DOCK1: variants seen among roughly 807,000 people sequenced by gnomAD.
The protein encoded by DOCK1 is dedicator of cytokinesis protein 1.
DOCK1 carries 138 observed loss-of-function variants against 262.7 expected under a neutral mutation model. The observed-to-expected ratio is 0.53, with a 90% CI of 0.46 to 0.61. DOCK1 has a LOEUF of 0.61. Ranked by LOEUF, DOCK1 falls within the 20% of genes least tolerant of loss-of-function variation. DOCK1 has a pLI of 0.00. For synonymous variants in DOCK1, 866 were observed against 867.4 expected, an observed-to-expected ratio of 1.00 and a Z score of 0.03; for missense variants, 1,908 against 2,370.7, an observed-to-expected ratio of 0.80 and a Z score of 4.05.
chr10:127,248,167 A>G, intron 28 of DOCK1, 58 bp downstream of exon 28: 3 of 1,418,694 alleles, frequency 2.1e-6, no homozygotes, highest in Non-Finnish European at 3.0e-6. Flanking sequence ...CACTTTAGAC[A>G]AAAGCCTGAT....
chr10:127,083,537 A>G (rs746513288), intron 23 of DOCK1, among the ~76,000 whole-genome samples: 1 of 152,242 alleles, frequency 6.6e-6, no homozygotes, highest in Non-Finnish European at 1.5e-5. Context: ...GTGAGGAAGT[A>G]TGCTTCCTGT....
chr10:127,328,678 C>T (rs1224521754), intron 29 of DOCK1, among the ~76,000 whole-genome samples: 1 of 152,106 alleles, frequency 6.6e-6, no homozygotes, highest in East Asian at 1.9e-4. Context: ...CTCTGGTTGT[C>T]GTGATTGGGC....
At chr10:127,121,455 A>ATATGTGTGTGTGTGTG (rs139656728) in intron 25 of DOCK1, among the ~76,000 whole-genome samples, 6 of 148,258 alleles carry the variant, frequency 4.0e-5, no homozygotes, top group East Asian at 2.0e-4. Flanking sequence ...GTATATGTAT[A>ATATGTGTGTGTGTGTG]TGTGTGTGTG....
At chr10:127,060,204 G>A (rs191580722) in intron 22 of DOCK1, among the ~76,000 whole-genome samples, 3 of 152,174 alleles carry the variant, frequency 2.0e-5, no homozygotes, top group Admixed American at 1.3e-4. Context: ...ATCCCATACA[G>A]GTCTAGGAAT....
At chr10:127,094,792 A>G (rs1250694911) in intron 23 of DOCK1, among the ~76,000 whole-genome samples, 1 of 152,220 alleles carries the variant, frequency 6.6e-6, no homozygotes, top group Non-Finnish European at 1.5e-5. Flanking sequence ...CCTGCAGTTC[A>G]GACCCTTAAG....
At chr10:126,994,769 T>G (rs7096323) in intron 6 of DOCK1, among the ~76,000 whole-genome samples, 8,534 of 152,218 alleles carry the variant, frequency 0.056, 727 homozygotes, top group African/African-American at 0.19. Flanking sequence ...TTCCCCACAT[T>G]TCCCCCTTTT....
rs2061095030 is a variant in DOCK1 at position 127,284,970 on chromosome 10, A to C, written c.3044+27541A>C. Among the ~76,000 whole-genome samples, 11 of 149,960 alleles carry C rather than the reference A, an allele frequency of 7.3e-5. No individual in the cohort carries two copies. In the South Asian group the frequency reaches 2.3e-3, roughly 32 times the overall value. On this transcript the variant is annotated intron_variant, in intron 29 of 51. Coordinates refer to ENST00000623213, the MANE Select transcript of DOCK1 (RefSeq NM_001290223.2). ...CAATATAGTCAGACCTTGTCTCTACAAAAAAAAAATTTAAAAATTAGCTGG... is the reference window on the plus strand; with the variant it reads ...CAATATAGTCAGACCTTGTCTCTACCAAAAAAAAATTTAAAAATTAGCTGG...
At chr10:127,164,475 T>C (rs1207115553) in intron 27 of DOCK1, among the ~76,000 whole-genome samples, 1 of 152,042 alleles carries the variant, frequency 6.6e-6, no homozygotes, top group Non-Finnish European at 1.5e-5. Context: ...GAGCCACTGC[T>C]CCCGGCCCTG....
intron 29 of DOCK1, among the ~76,000 whole-genome samples, chr10:127,323,436 G>A (rs993318057): frequency 6.6e-6 from 1 of 152,154 alleles, no homozygotes; most frequent in South Asian, 2.1e-4. Flanking sequence ...ATTGTGCTGA[G>A]GCAAAGGCGG....
chr10:127,365,624 A>G (rs1051334622), intron 33 of DOCK1, among the ~76,000 whole-genome samples: 2 of 152,166 alleles, frequency 1.3e-5, no homozygotes, highest in Non-Finnish European at 2.9e-5. Context: ...ACATCATTCT[A>G]TTTGTCATTT....
chr10:127,017,544 G>C (rs567658479), intron 12 of DOCK1, among the ~76,000 whole-genome samples: 45 of 150,214 alleles, frequency 3.0e-4, no homozygotes, highest in African/African-American at 1.1e-3. Context: ...TGGACACACA[G>C]ACACACACAC....
At chr10:127,385,714 C>A (rs2066073712) in intron 38 of DOCK1, among the ~76,000 whole-genome samples, 1 of 152,194 alleles carries the variant, frequency 6.6e-6, no homozygotes, top group African/African-American at 2.4e-5. Context: ...GGCGTGGCCG[C>A]CCCCTCTGAA....
chr10:127,428,651 G>A (rs2068998657), intron 47 of DOCK1, among the ~76,000 whole-genome samples: 3 of 151,488 alleles, frequency 2.0e-5, no homozygotes, highest in African/African-American at 7.3e-5. Context: ...GGAGTGCCGT[G>A]TGGATTGGGG....
At chr10:127,248,802 C>A (rs1428256698) in intron 28 of DOCK1, among the ~76,000 whole-genome samples, 1 of 152,172 alleles carries the variant, frequency 6.6e-6, no homozygotes, top group African/African-American at 2.4e-5. Context: ...GGTCCCCAAT[C>A]CCTGGGCCAC....
At chr10:127,404,486 C>A in intron 40 of DOCK1, 57 bp downstream of exon 40, 2 of 1,530,850 alleles carry the variant, frequency 1.3e-6, no homozygotes, top group Non-Finnish European at 1.8e-6. Flanking sequence ...AGAAAATCCC[C>A]TTCCCGTTCT....
chr10:127,402,448 T>A (rs554398545), intron 38 of DOCK1, among the ~76,000 whole-genome samples: 1 of 152,360 alleles, frequency 6.6e-6, no homozygotes, highest in African/African-American at 2.4e-5. Context: ...TTTAATCACT[T>A]ATTTGGAAAG....
intron 27 of DOCK1, among the ~76,000 whole-genome samples, chr10:127,213,027 C>T (rs1454819436): frequency 6.6e-6 from 1 of 152,182 alleles, no homozygotes; most frequent in Non-Finnish European, 1.5e-5. Flanking sequence ...TCTCCCCCAT[C>T]CCCTTTCTAT....
rs780214260 is a variant in DOCK1 at position 127,415,226 on chromosome 10, G to C, written c.4503G>C (p.Lys1501Asn). Residue 1501 changes from lysine (K) to asparagine (N), a missense_variant, in exon 44 of 52, where the codon AAG becomes AAC. Physicochemically the swap from Lys to Asn is moderately conservative, Grantham distance 94 (BLOSUM62 0). This residue lies in a region of DOCK1 where 57 missense variants were observed against 103.1 expected (regional missense o/e 0.55). Transcript: ENST00000623213. ...LPGILRWFEV[K>N]SVFMVEISPL... ...GAATTTTAAGGTGGTTTGAGGTCAA[G>C]TCTGTTTTCATGGTAAGGATGGCCC... The C allele has an allele frequency of 6.8e-6, 11 of 1,613,554 alleles. No homozygotes were observed. Among genetic ancestry groups the C allele is most frequent in the Admixed American group, 5.0e-5 (3 of 59,988 alleles).
chr10:127,232,172 A>G (rs1024618309), intron 27 of DOCK1, among the ~76,000 whole-genome samples: 7 of 151,926 alleles, frequency 4.6e-5, no homozygotes, highest in African/African-American at 1.5e-4. Flanking sequence ...TGGTGGTCAT[A>G]TGTATTGGAA....
Sources: gnomAD v4.1 joint callset for allele counts (sites outside exome capture counted in the v4.1 genomes callset) on GRCh38, gnomAD v4.1.1 for gene constraint, gnomAD v4.1.1 regional missense constraint, MANE v1.5 for transcripts, NCBI Gene and HGNC (gene_info 2026-07-23, HGNC 2026-07-21) for gene names.